The following CLCN4 variants were observed in gnomAD, a reference collection of about 807,000 sequenced individuals.
The protein encoded by CLCN4 is H(+)/Cl(-) exchange transporter 4.
In CLCN4, 1 loss-of-function variant was observed where a neutral mutation model predicts 41.7. The ratio of observed to expected loss-of-function variants is 0.02; its 90% CI spans 0.01 to 0.11. CLCN4 has a LOEUF of 0.11. CLCN4 is among the 10% of genes least tolerant of loss of function. The pLI, the probability that CLCN4 is intolerant of heterozygous loss-of-function variation, is 1.00. For synonymous variants in CLCN4, 277 were observed against 285.8 expected (o/e 0.97, Z 0.31); for missense variants, 287 against 661.0 (o/e 0.43, Z 6.20).
chrX:10,165,928 A>T (rs1278095447), intron 2 of CLCN4, among the ~76,000 whole-genome samples: 2 of 112,049 alleles, frequency 1.8e-5, no homozygotes, highest in Non-Finnish European at 3.8e-5. Context: ...CAGCACATGA[A>T]CGCGGTTTTG....
At position 10,208,293 on chromosome X, in the gene CLCN4, G is replaced by T. The variant is rs1159078731; in HGVS notation, c.1092G>T (p.Arg364Ser). ...IAWCRRRKTT[R>S]LGKYPVLEVI... ...GGTGCAGGAGGCGCAAGACCACCAG[G>T]CTGGGGAAGTACCCGGTGCTGGAGG... The change falls in exon 9 of 13, where the codon AGG becomes AGT. Residue 364 changes from arginine (R) to serine (S), a missense_variant. Transcript: ENST00000380833. 8.3e-7 allele frequency: 1 copy of T among 1,211,506 alleles called. No homozygotes were observed.
At chrX:10,217,169 T>C (rs1924746396) in intron 11 of CLCN4, among the ~76,000 whole-genome samples, 4 of 108,023 alleles carry the variant, frequency 3.7e-5, no homozygotes, top group South Asian at 4.1e-4. Context: ...GGCGCGATCA[T>C]AGCTCACTGC....
At position 10,163,456 on chromosome X, in the gene CLCN4, G is replaced by A. The variant is rs979567157; in HGVS notation, c.-12+4905G>A. ...GGAATCTCTCTTTGTTGCCCAGGCC[G>A]GAGTGCAGTGGCTTGATCTCGGCTC... On this transcript the variant is annotated intron_variant, in intron 2 of 12. Coordinates refer to ENST00000380833, the MANE Select transcript of CLCN4 (RefSeq NM_001830.4). Among the ~76,000 whole-genome samples, 6 of 106,198 alleles carry A rather than the reference G, an allele frequency of 5.6e-5. 1 individual carries two copies. Among genetic ancestry groups the A allele is most frequent in the African/African-American group, 2.1e-4 (6 of 28,703 alleles). 92.2% of individuals were successfully genotyped at this position (106,198 alleles called of 115,157 possible).
At chrX:10,218,529 G>A (rs1924785788) in intron 11 of CLCN4, among the ~76,000 whole-genome samples, 1 of 112,336 alleles carries the variant, frequency 8.9e-6, no homozygotes, top group Non-Finnish European at 1.9e-5. Flanking sequence ...AGAGTCCAGG[G>A]ATGACAGCAC....
chrX:10,170,249 G>A (rs1159879111), intron 2 of CLCN4, among the ~76,000 whole-genome samples: 2 of 111,716 alleles, frequency 1.8e-5, no homozygotes, highest in East Asian at 5.6e-4. Context: ...GTGGCTTAGT[G>A]GACACTATTT....
Position 10,233,638 on chromosome X carries a change from A to C in CLCN4, c.*54A>C. On this transcript the variant is annotated 3_prime_UTR_variant, in exon 13 of 13. Coordinates refer to ENST00000380833, the MANE Select transcript of CLCN4 (RefSeq NM_001830.4). The stretch of plus-strand genomic sequence containing the variant: ...ACACTGACTGTGTCATTTAAAAAGA[A>C]ATAAATGATATGTTATTATCCCAAT... 1.1e-6 allele frequency: 1 copy of C among 920,740 alleles called. No homozygotes were observed. Among genetic ancestry groups the C allele is most frequent in the Non-Finnish European group, 1.6e-6 (1 of 632,880 alleles). The allele number at this position is 920,740 out of a possible 1,213,427, so 75.9% of individuals were successfully genotyped here.
At position 10,179,857 on chromosome X, in the gene CLCN4, T is replaced by TG. The variant is rs764193287; in HGVS notation, c.-11-5160dup. Among the ~76,000 whole-genome samples, 183 of 112,105 alleles carry TG rather than the reference T, an allele frequency of 1.6e-3. 1 individual carries two copies. Among genetic ancestry groups the TG allele is most frequent in the African/African-American group, 5.7e-3 (175 of 30,855 alleles). ...AGTGCTGCAATTCCTACTTCATAGA[T>TG]GGGGGAGACTGAGGCACAGTAAGAA... On this transcript the variant is annotated intron_variant, in intron 2 of 12. Coordinates refer to ENST00000380833, the MANE Select transcript of CLCN4 (RefSeq NM_001830.4).
At chrX:10,168,084 T>C (rs16985937) in intron 2 of CLCN4, among the ~76,000 whole-genome samples, 3,001 of 112,081 alleles carry the variant, frequency 0.027, 98 homozygotes, top group African/African-American at 0.092. Context: ...TTTAGGTCTA[T>C]TGATGATAAA....
intron 6 of CLCN4, among the ~76,000 whole-genome samples, chrX:10,200,134 C>A (rs769535476): frequency 1.8e-3 from 201 of 111,795 alleles, no homozygotes; most frequent in African/African-American, 6.1e-3. Context: ...CTCAAGTGAT[C>A]CTCCCGCCTC....
At chrX:10,173,956 C>A (rs1329377314) in intron 2 of CLCN4, among the ~76,000 whole-genome samples, 1 of 111,975 alleles carries the variant, frequency 8.9e-6, no homozygotes, top group Non-Finnish European at 1.9e-5. Flanking sequence ...CTTCTCTGTG[C>A]GGGTCGTCCT....
chrX:10,222,515 T>C (rs1346336699), intron 12 of CLCN4, among the ~76,000 whole-genome samples: 1 of 111,254 alleles, frequency 9.0e-6, no homozygotes, highest in East Asian at 2.8e-4. Flanking sequence ...GGGATGATTT[T>C]ACCTCCCAGA....
intron 2 of CLCN4, among the ~76,000 whole-genome samples, chrX:10,181,284 G>T (rs1923675317): frequency 9.1e-6 from 1 of 110,130 alleles, no homozygotes; most frequent in Non-Finnish European, 1.9e-5. Context: ...GCTTGAGTCT[G>T]GGAGGTTGAG....
intron 12 of CLCN4, among the ~76,000 whole-genome samples, chrX:10,226,316 G>T (rs967983306): frequency 1.8e-5 from 2 of 111,489 alleles, no homozygotes; most frequent in African/African-American, 6.6e-5. Flanking sequence ...ATAAAATTAA[G>T]GCAGAACTCA....
chrX:10,168,545 A>G (rs997457719), intron 2 of CLCN4, among the ~76,000 whole-genome samples: 3 of 112,547 alleles, frequency 2.7e-5, no homozygotes, highest in African/African-American at 9.7e-5. Context: ...CAAGCATGCC[A>G]ATGAAAAACC....
intron 5 of CLCN4, 23 bp downstream of exon 5, chrX:10,195,121 G>A: frequency 8.4e-7 from 1 of 1,195,498 alleles, no homozygotes; most frequent in East Asian, 3.0e-5. Flanking sequence ...GCAGGGTCCT[G>A]GCTGGGGACC....
At chrX:10,227,705 G>A (rs1455004301) in intron 12 of CLCN4, among the ~76,000 whole-genome samples, 1 of 111,839 alleles carries the variant, frequency 8.9e-6, no homozygotes, top group Non-Finnish European at 1.9e-5. Context: ...TATATTTTCT[G>A]TCTCTGTGGA....
chrX:10,205,472 C>CAAAAAA (rs758694004), intron 6 of CLCN4, among the ~76,000 whole-genome samples: 2 of 52,963 alleles, frequency 3.8e-5, no homozygotes, highest in Non-Finnish European at 3.6e-5. Flanking sequence ...GACTCCATCT[C>CAAAAAA]AAAAAAAAAA....
At chrX:10,231,959 G>A (rs1314852326) in intron 12 of CLCN4, among the ~76,000 whole-genome samples, 4 of 112,089 alleles carry the variant, frequency 3.6e-5, no homozygotes, top group Non-Finnish European at 5.6e-5. Context: ...TGCTTCCTAC[G>A]TTTATCAAGT....
chrX:10,174,085 G>A (rs1923455660), intron 2 of CLCN4, among the ~76,000 whole-genome samples: 1 of 112,246 alleles, frequency 8.9e-6, no homozygotes, highest in Non-Finnish European at 1.9e-5. Context: ...TCCCCTGGGG[G>A]CAGAATGGTC....
Sources: allele counts gnomAD v4.1 joint callset (sites outside exome capture counted in the v4.1 genomes callset), GRCh38; gene constraint gnomAD v4.1.1; transcripts MANE v1.5; gene names NCBI Gene and HGNC (gene_info 2026-07-23, HGNC 2026-07-21).